Variants in DYSF observed in about 807,000 individuals in gnomAD.
DYSF encodes dystrophy-associated fer-1-like 1.
DYSF carries 212 observed loss-of-function variants against 274.9 expected under a neutral mutation model. That is an observed-to-expected ratio of 0.77 (90% confidence interval 0.69 to 0.86). The LOEUF is 0.86. Among genes scored for constraint, DYSF ranks in the 40% least tolerant of loss-of-function variants. The pLI, the probability that DYSF is intolerant of heterozygous loss-of-function variation, is 0.00. For synonymous variants in DYSF, 1,091 were observed against 1,078.7 expected, an observed-to-expected ratio of 1.01 and a Z score of -0.22; for missense variants, 2,666 against 2,783.2, an observed-to-expected ratio of 0.96 and a Z score of 0.95.
intron 3 of DYSF, among the ~76,000 whole-genome samples, chr2:71,501,489 G>T (rs553397609): frequency 6.6e-6 from 1 of 152,244 alleles, no homozygotes; most frequent in South Asian, 2.1e-4. Context: ...ATGCATTCAT[G>T]ATGTCATGCA....
rs182863837 is a variant in DYSF at position 71,564,618 on chromosome 2, C to G, written c.2565+405C>G. Among the ~76,000 whole-genome samples the G allele has an allele frequency of 1.6e-4, 24 of 152,326 alleles. No homozygotes were observed. In the East Asian group the frequency reaches 4.6e-3, roughly 29 times the overall value. On this transcript the variant is annotated intron_variant, in intron 24 of 55. Coordinates refer to ENST00000410020, the MANE Select transcript of DYSF (RefSeq NM_001130987.2). ...TCCACACCAACCCGAGTGCCCTGGA[C>G]TGGAGCTGGAGCCACTCTGAGGCTC...
chr2:71,512,047 C>T, intron 5 of DYSF, 126 bp downstream of exon 5: 1 of 721,958 alleles, frequency 1.4e-6, no homozygotes, highest in Non-Finnish European at 2.5e-6. Context: ...TGGAGGCTGC[C>T]CAGGCCTGGA....
intron 40 of DYSF, among the ~76,000 whole-genome samples, chr2:71,618,177 G>A (rs1480587462): frequency 1.7e-5 from 2 of 120,906 alleles, no homozygotes; most frequent in African/African-American, 3.1e-5. Flanking sequence ...TGTGGTAGAG[G>A]TGGGGTATAA....
chr2:71,515,763 G>C lies in DYSF; in HGVS notation c.888+12G>C. On this transcript the variant is annotated intron_variant, in intron 8 of 55. Coordinates refer to ENST00000410020, the MANE Select transcript of DYSF (RefSeq NM_001130987.2). ...CACTCTTCAATGAGGTGGGAGACAT[G>C]GGGCATGAGGGCCAGAACCTTGGTG... is the stretch of plus-strand genomic sequence containing the variant. 2 of 1,613,952 alleles carry C rather than the reference G, an allele frequency of 1.2e-6. No homozygotes were observed. Among genetic ancestry groups the C allele is most frequent in the Non-Finnish European group, 1.7e-6 (2 of 1,179,900 alleles).
chr2:71,454,569 T>C (rs377500937), intron 1 of DYSF, among the ~76,000 whole-genome samples: 2 of 152,304 alleles, frequency 1.3e-5, no homozygotes, highest in East Asian at 3.9e-4. Flanking sequence ...TGGCAGCCAC[T>C]GGAGGCGAAG....
At chr2:71,488,107 CAA>C (rs1264095600) in intron 3 of DYSF, among the ~76,000 whole-genome samples, 1 of 142,222 alleles carries the variant, frequency 7.0e-6, no homozygotes. Context: ...TAATGTCAAC[CAA>C]AAAAAAAAAT....
rs2093865760 is a variant in DYSF, at chr2:71,615,698, G to T, written c.4464+2288G>T. On this transcript the variant is annotated intron_variant, in intron 40 of 55. Coordinates refer to ENST00000410020, the MANE Select transcript of DYSF (RefSeq NM_001130987.2). The surrounding 1 kb of genome is among the most constrained non-coding windows in gnomAD (Gnocchi z 4.9). The stretch of plus-strand genomic sequence containing the variant: ...CCAACCCAGGAGGCAGCTGACCCCG[G>T]GTGCAGTTCCAGTGGTTTGCTAGAT... Among the ~76,000 whole-genome samples the T allele has an allele frequency of 6.6e-6, 1 of 152,168 alleles. No individual in the cohort carries two copies. Among genetic ancestry groups the T allele is most frequent in the Admixed American group, 6.5e-5 (1 of 15,282 alleles).
chr2:71,547,336 G>A (rs1173003827), intron 17 of DYSF, among the ~76,000 whole-genome samples: 2 of 152,208 alleles, frequency 1.3e-5, no homozygotes, highest in African/African-American at 4.8e-5. Flanking sequence ...CTTGCTGAAT[G>A]AACAAATGAA....
In DYSF at chr2:71,534,995, A is replaced by G. The variant is rs747359357; in HGVS notation, c.1381-26A>G. ...CCAGAGTCCCCATGGAGCTTGATCAACTTGTCCCCTCCCTGTGTCTTCTAG... is the reference window on the plus strand; with the variant it reads ...CCAGAGTCCCCATGGAGCTTGATCAGCTTGTCCCCTCCCTGTGTCTTCTAG... On this transcript the variant is annotated intron_variant, in intron 14 of 55. Coordinates refer to ENST00000410020, the MANE Select transcript of DYSF (RefSeq NM_001130987.2). The G allele has an allele frequency of 1.7e-5, 28 of 1,613,860 alleles. No individual in the cohort carries two copies. In the Admixed American group the frequency reaches 2.2e-4, roughly 12 times the overall value.
At chr2:71,470,216 G>C (rs2081884974) in intron 1 of DYSF, among the ~76,000 whole-genome samples, 1 of 152,030 alleles carries the variant, frequency 6.6e-6, no homozygotes, top group African/African-American at 2.4e-5. Flanking sequence ...GATCTCCTGG[G>C]GGTCTCTAGA....
intron 1 of DYSF, among the ~76,000 whole-genome samples, chr2:71,477,818 G>T (rs2082514955): frequency 6.6e-6 from 1 of 152,190 alleles, no homozygotes; most frequent in African/African-American, 2.4e-5. Flanking sequence ...GTTGAGTTTT[G>T]ATGTAGTATC....
At chr2:71,610,001 A>T (rs1018201173) in intron 36 of DYSF, among the ~76,000 whole-genome samples, 2 of 152,178 alleles carry the variant, frequency 1.3e-5, no homozygotes, top group Non-Finnish European at 2.9e-5. Context: ...TATAGTTAAC[A>T]TTTCCGGAGT....
chr2:71,634,457 T>G (rs17718067), intron 41 of DYSF, among the ~76,000 whole-genome samples: 41,584 of 152,076 alleles, frequency 0.27, 6,602 homozygotes, highest in East Asian at 0.39. Flanking sequence ...CTCTTTCTTA[T>G]GGCTGTGCTA....
chr2:71,632,466 T>C (rs2094331402), intron 41 of DYSF, among the ~76,000 whole-genome samples: 2 of 152,224 alleles, frequency 1.3e-5, no homozygotes, highest in African/African-American at 4.8e-5. Flanking sequence ...GGAGAGCTAA[T>C]ATTAGTGTCT....
chr2:71,627,151 AT>A (rs1421267593), intron 41 of DYSF, among the ~76,000 whole-genome samples: 1 of 150,120 alleles, frequency 6.7e-6, no homozygotes, highest in East Asian at 2.0e-4. Flanking sequence ...CTTCTATTTT[AT>A]TCCTTCCATT....
chr2:71,590,398 G>A, intron 32 of DYSF, 110 bp downstream of exon 32: 1 of 1,190,406 alleles, frequency 8.4e-7, no homozygotes, highest in Non-Finnish European at 1.3e-6. Context: ...CATGGAGATG[G>A]GTGCTGTCAC....
chr2:71,493,922 G>T (rs2152702082), intron 3 of DYSF, among the ~76,000 whole-genome samples: 1 of 149,226 alleles, frequency 6.7e-6, no homozygotes, highest in South Asian at 2.1e-4. Context: ...GGAAAATAAT[G>T]AGGATTACAT....
At chr2:71,677,626 C>A (rs1379976763) in intron 52 of DYSF, among the ~76,000 whole-genome samples, 1 of 151,922 alleles carries the variant, frequency 6.6e-6, no homozygotes, top group Non-Finnish European at 1.5e-5. Flanking sequence ...GTTGGATGAA[C>A]CACAGTGAGG....
intron 32 of DYSF, among the ~76,000 whole-genome samples, chr2:71,590,991 C>G (rs1308801100): frequency 6.6e-6 from 1 of 152,178 alleles, no homozygotes; most frequent in African/African-American, 2.4e-5. Context: ...CTGGTCACAT[C>G]CCTCCCCTGA....
Sources: gnomAD v4.1 joint callset for allele counts (sites outside exome capture counted in the v4.1 genomes callset) on GRCh38, gnomAD v4.1.1 for gene constraint, Gnocchi (gnomAD v3.1) non-coding constraint, MANE v1.5 for transcripts, NCBI Gene and HGNC (gene_info 2026-07-23, HGNC 2026-07-21) for gene names.